Variants in CADPS observed in about 807,000 individuals in gnomAD.
CADPS encodes the protein calcium-dependent secretion activator 1.
In CADPS, 57 loss-of-function variants were observed where a neutral mutation model predicts 167.3. The observed-to-expected ratio is 0.34, with a 90% CI of 0.28 to 0.42. CADPS has a LOEUF of 0.42. Ranked by LOEUF, CADPS falls within the 20% of genes least tolerant of loss-of-function variation. The pLI, the probability that CADPS is intolerant of heterozygous loss-of-function variation, is 1.00. For synonymous variants in CADPS, 676 were observed against 635.3 expected, an observed-to-expected ratio of 1.06 and a Z score of -0.96; for missense variants, 1,414 against 1,738.1, an observed-to-expected ratio of 0.81 and a Z score of 3.32.
At chr3:62,479,456 A>G (rs1300762338) in intron 22 of CADPS, among the ~76,000 whole-genome samples, 2 of 152,372 alleles carry the variant, frequency 1.3e-5, no homozygotes, top group East Asian at 1.9e-4. Context: ...GACATCGTCT[A>G]TAGAAACAGA....
At chr3:62,532,844 C>A in intron 13 of CADPS, 27 bp downstream of exon 13, 1 of 1,609,134 alleles carries the variant, frequency 6.2e-7, no homozygotes, top group Non-Finnish European at 8.5e-7. Flanking sequence ...TTAAGGATCA[C>A]CTCTAGACAC....
chr3:62,705,380 C>G (rs2082132474), intron 3 of CADPS, among the ~76,000 whole-genome samples: 1 of 152,118 alleles, frequency 6.6e-6, no homozygotes, highest in Admixed American at 6.6e-5. Flanking sequence ...TCCTAGCAGA[C>G]AGGCATAACA....
intron 3 of CADPS, among the ~76,000 whole-genome samples, chr3:62,734,793 G>A (rs2078656651): frequency 1.3e-5 from 2 of 151,996 alleles, no homozygotes; most frequent in African/African-American, 2.4e-5. Context: ...GGTCAAATAC[G>A]CTCATTTCTC....
chr3:62,779,207 C>CT, intron 1 of CADPS: 1 of 259,580 alleles, frequency 3.9e-6, no homozygotes, highest in Admixed American at 4.5e-5. Flanking sequence ...GGAGCTGGTG[C>CT]TTTTTGGGCT....
At chr3:62,518,415 G>T (rs561131995) in intron 13 of CADPS, among the ~76,000 whole-genome samples, 165 bp from the exon 14 acceptor site, 1 of 152,322 alleles carries the variant, frequency 6.6e-6, no homozygotes, top group South Asian at 2.1e-4. Flanking sequence ...AAGGCGTTGG[G>T]TTGTGTTTGG....
intron 3 of CADPS, among the ~76,000 whole-genome samples, chr3:62,720,749 C>T (rs2075619428): frequency 6.6e-6 from 1 of 151,204 alleles, no homozygotes; most frequent in Non-Finnish European, 1.5e-5. Context: ...CCTGATTCTG[C>T]TTTACTTCAA....
At position 62,433,641 on chromosome 3, in the gene CADPS, C is replaced by T. The variant is rs1299173593; in HGVS notation, c.3777+4463G>A. ...GCGGCATTACTACCAATGTGGATTC[C>T]ATCCAAGTTCGAGATGGCTTTTTAA... is the stretch of plus-strand genomic sequence containing the variant. On this transcript the variant is annotated intron_variant, in intron 28 of 29. Coordinates refer to ENST00000383710, the MANE Select transcript of CADPS (RefSeq NM_003716.4). The surrounding 1 kb of genome is among the most constrained non-coding windows in gnomAD (Gnocchi z 4.7). Among the ~76,000 whole-genome samples, 1 of 152,296 alleles carries T rather than the reference C, an allele frequency of 6.6e-6. No individual in the cohort carries two copies. The highest frequency in any genetic ancestry group is 2.1e-4 in the South Asian group (1 of 4,820).
intron 1 of CADPS, among the ~76,000 whole-genome samples, chr3:62,823,989 T>A (rs1385384572): frequency 6.6e-6 from 1 of 152,028 alleles, no homozygotes; most frequent in East Asian, 1.9e-4. Context: ...CTTCTCCTCT[T>A]TGCAGGCATT....
chr3:62,821,546 G>C (rs1025514359), intron 1 of CADPS, among the ~76,000 whole-genome samples: 2 of 152,028 alleles, frequency 1.3e-5, no homozygotes, highest in African/African-American at 4.8e-5. Flanking sequence ...TCTTCTCATG[G>C]CTGTCTTCCC....
intron 1 of CADPS, among the ~76,000 whole-genome samples, chr3:62,833,663 T>C (rs886856738): frequency 6.6e-6 from 1 of 151,926 alleles, no homozygotes; most frequent in African/African-American, 2.4e-5. Flanking sequence ...TCAAACTGGG[T>C]TTCTGCAAAA....
chr3:62,752,728 G>C (rs2082968019), intron 3 of CADPS, among the ~76,000 whole-genome samples: 1 of 152,234 alleles, frequency 6.6e-6, no homozygotes, highest in Non-Finnish European at 1.5e-5. Flanking sequence ...AGGGCTAGCA[G>C]CTGGGAATGT....
intron 6 of CADPS, among the ~76,000 whole-genome samples, chr3:62,612,506 A>T (rs923843995): frequency 2.0e-5 from 3 of 152,186 alleles, no homozygotes; most frequent in Non-Finnish European, 2.9e-5. Context: ...GGGACTTTCC[A>T]GGCTAGTTCC....
At chr3:62,435,563 G>T (rs965594587) in intron 28 of CADPS, among the ~76,000 whole-genome samples, 10 of 152,096 alleles carry the variant, frequency 6.6e-5, no homozygotes, top group Non-Finnish European at 1.5e-4. Flanking sequence ...ACATCAGTTA[G>T]GTTGCCTAGC....
intron 27 of CADPS, among the ~76,000 whole-genome samples, chr3:62,443,155 C>T (rs1312215242): frequency 6.6e-6 from 1 of 152,138 alleles, no homozygotes; most frequent in East Asian, 1.9e-4. Context: ...TGCAGTATGG[C>T]AGAATTTGTA....
intron 12 of CADPS, among the ~76,000 whole-genome samples, chr3:62,533,453 T>C (rs2074114587): frequency 6.6e-6 from 1 of 152,128 alleles, no homozygotes; most frequent in Non-Finnish European, 1.5e-5. Context: ...GAGGAAATCA[T>C]AACATTAATG....
intron 1 of CADPS, among the ~76,000 whole-genome samples, chr3:62,815,014 T>C (rs1379218153): frequency 6.6e-6 from 1 of 152,198 alleles, no homozygotes; most frequent in Non-Finnish European, 1.5e-5. Context: ...TCAATTCTTT[T>C]GAAATTGTTC....
chr3:62,621,951 G>C (rs183384626), intron 6 of CADPS, among the ~76,000 whole-genome samples: 119 of 150,760 alleles, frequency 7.9e-4, no homozygotes, highest in Non-Finnish European at 1.4e-3. Context: ...GCCTTCTCCA[G>C]CAGTAATGGC....
chr3:62,794,548 A>G lies in CADPS; in HGVS notation c.442-28564T>C, dbSNP rs544743096. On this transcript the variant is annotated intron_variant, in intron 1 of 29. Transcript: ENST00000383710. ...AGAGCCCACATGTAAACCATTCTGCATAAGATGTTTGATATAGTTACAGGT... is the reference window on the plus strand; with the variant it reads ...AGAGCCCACATGTAAACCATTCTGCGTAAGATGTTTGATATAGTTACAGGT... 9.5e-4 allele frequency among the ~76,000 whole-genome samples: 145 copies of G among 152,324 alleles called. 1 individual carries two copies. Among genetic ancestry groups the G allele is most frequent in the African/African-American group, 2.7e-3 (112 of 41,576 alleles).
intron 2 of CADPS, among the ~76,000 whole-genome samples, chr3:62,761,602 C>A (rs901351772): frequency 6.6e-6 from 1 of 151,932 alleles, no homozygotes; most frequent in Admixed American, 6.6e-5. Flanking sequence ...TTTTTATCCA[C>A]CTATTTTCTC....
Sources: gnomAD v4.1 joint callset for allele counts (sites outside exome capture counted in the v4.1 genomes callset) on GRCh38, gnomAD v4.1.1 for gene constraint, Gnocchi (gnomAD v3.1) non-coding constraint, MANE v1.5 for transcripts, NCBI Gene and HGNC (gene_info 2026-07-23, HGNC 2026-07-21) for gene names.